Variants in MROH1 observed in about 807,000 individuals in gnomAD.
MROH1 encodes the protein maestro heat like repeat family member 1.
Under a neutral mutation model 116.5 loss-of-function variants are expected in MROH1, and 117 were observed. The ratio of observed to expected loss-of-function variants is 1.00; its 90% confidence interval spans 0.86 to 1.17. The LOEUF (loss-of-function observed/expected upper bound fraction) is 1.17. Among genes scored for constraint, MROH1 ranks in the 50% most tolerant of loss-of-function variants. MROH1 has a pLI of 0.00. For synonymous variants in MROH1, 921 were observed against 583.9 expected (o/e 1.58, Z -8.32); for missense variants, 1,873 against 1,338.5 (o/e 1.40, Z -6.23).
rs1434288671 is a variant in MROH1 at position 144,190,865 on chromosome 8, C to CGTTTGCCACCGACAT, written c.644_645insGTTTGCCACCGACAT (p.Ala217_Phe221dup). 6.2e-7 allele frequency: 1 copy of CGTTTGCCACCGACAT among 1,613,734 alleles called. No homozygotes were observed. The highest frequency in any genetic ancestry group is 1.3e-5 in the African/African-American group (1 of 74,926). On this transcript the variant is annotated inframe_insertion, in exon 8 of 44. Coordinates refer to ENST00000326134, the MANE Select transcript of MROH1 (RefSeq NM_032450.3). ...CCAGACCCCACGGTCAGGAAGGACG[C>CGTTTGCCACCGACAT]CTTTGCCACCGACATCTTCAGCGCC...
At chr8:144,235,592 T>A (rs1348874539) in intron 14 of MROH1, among the ~76,000 whole-genome samples, 1 of 152,250 alleles carries the variant, frequency 6.6e-6, no homozygotes, top group African/African-American at 2.4e-5. Context: ...GTGTCTAAGA[T>A]GAGCTTGTCG....
At chr8:144,168,508 G>T in intron 4 of MROH1, 68 bp downstream of exon 4, 1 of 1,533,864 alleles carries the variant, frequency 6.5e-7, no homozygotes. Context: ...CTTGGTTTGG[G>T]AAGAGACAGT....
intron 29 of MROH1, 63 bp from the exon 30 acceptor site, chr8:144,247,238 G>C (rs1291475007): frequency 1.1e-5 from 8 of 738,556 alleles, no homozygotes; most frequent in Non-Finnish European, 1.7e-5. Context: ...TCTGGGTACA[G>C]GTGGCATAGG....
chr8:144,247,787 A>G, intron 31 of MROH1, 108 bp downstream of exon 31: 2 of 697,200 alleles, frequency 2.9e-6, no homozygotes, highest in South Asian at 1.5e-5. Flanking sequence ...AGTGCCACCC[A>G]TGGCCAGTGG....
chr8:144,151,432 A>G (rs1439908065), intron 1 of MROH1, among the ~76,000 whole-genome samples: 2 of 152,124 alleles, frequency 1.3e-5, no homozygotes, highest in Non-Finnish European at 2.9e-5. Flanking sequence ...GACTGGCTGG[A>G]CAAGGTGGAG....
intron 10 of MROH1, among the ~76,000 whole-genome samples, chr8:144,197,374 G>T (rs1241685329): frequency 6.7e-6 from 1 of 148,926 alleles, no homozygotes; most frequent in Admixed American, 6.7e-5. Flanking sequence ...CTAGCTTCCT[G>T]CAGGGTGAGT....
intron 35 of MROH1, among the ~76,000 whole-genome samples, chr8:144,256,055 G>A (rs1314460900): frequency 6.6e-6 from 1 of 152,184 alleles, no homozygotes; most frequent in Non-Finnish European, 1.5e-5. Flanking sequence ...TGGGGTATAG[G>A]CTGGGGTCAA....
chr8:144,176,624 A>G (rs7812455), intron 4 of MROH1, among the ~76,000 whole-genome samples: 149,139 of 150,854 alleles, frequency 0.99, 73,739 homozygotes, highest in East Asian at 1. Flanking sequence ...AGCGGATCAC[A>G]AGGTCAGGAG....
In MROH1 at chr8:144,245,199, C is replaced by T. The variant is rs1841683069; in HGVS notation, c.2810C>T (p.Ala937Val). Residue 937 changes from alanine to valine, a missense_variant, in exon 29 of 44, where the codon GCG becomes GTG. Ala to Val is a moderately conservative substitution (Grantham distance 64). Coordinates refer to ENST00000326134, the MANE Select transcript of MROH1 (RefSeq NM_032450.3). ...AAGTCCCCAAGAGGTCACGAGCGGG[C>T]GCGGGCCCTGGGCCTGAGCGCCCTC... ...WIKSPRGHER[A>V]RALGLSALLL... The T allele has an allele frequency of 5.1e-6, 4 of 779,196 alleles. No individual in the cohort carries two copies. Among genetic ancestry groups the T allele is most frequent in the East Asian group, 2.4e-5 (1 of 41,260 alleles). The allele number at this position is 779,196 out of a possible 1,614,324, so 48.3% of individuals were successfully genotyped here.
At chr8:144,160,100 C>T (rs927368582) in intron 1 of MROH1, among the ~76,000 whole-genome samples, 3 of 152,134 alleles carry the variant, frequency 2.0e-5, no homozygotes, top group East Asian at 3.8e-4. Context: ...GGATGCCAGG[C>T]GTTGCTTTTG....
chr8:144,233,854 T>C lies in MROH1; in HGVS notation c.1339-4902T>C, dbSNP rs1839457380. 2.6e-5 allele frequency among the ~76,000 whole-genome samples: 4 copies of C among 152,250 alleles called. No individual in the cohort carries two copies. In the South Asian group the frequency reaches 8.3e-4, roughly 31 times the overall value. On this transcript the variant is annotated intron_variant, in intron 14 of 43. Coordinates refer to ENST00000326134, the MANE Select transcript of MROH1 (RefSeq NM_032450.3). ...GGGAAATACAAGTTCTCCAACTTTG[T>C]TCTTTTTCAAGATCATTTGGCTATT...
At chr8:144,234,167 G>A (rs533110823) in intron 14 of MROH1, among the ~76,000 whole-genome samples, 128 of 152,078 alleles carry the variant, frequency 8.4e-4, no homozygotes, top group African/African-American at 2.8e-3. Context: ...CTGCAACCAC[G>A]CCCCGCTAAT....
rs915992099 is a variant in MROH1, at chr8:144,153,102, C to T, written c.-177+5026C>T. 5.0e-4 allele frequency among the ~76,000 whole-genome samples: 76 copies of T among 152,310 alleles called. 1 individual carries two copies. The highest frequency in any genetic ancestry group is 3.4e-3 in the Middle Eastern group (1 of 294). On this transcript the variant is annotated intron_variant, in intron 1 of 43. Transcript: ENST00000326134. ...ACTCTTCATAGAAGTTGGGATTCCA[C>T]GTGTGAGATCACGTGGTCGTCTTTC...
chr8:144,187,997 C>T lies in MROH1; in HGVS notation c.563-2787C>T, dbSNP rs569026231. On this transcript the variant is annotated intron_variant, in intron 7 of 43. Transcript: ENST00000326134. ...GCCCATTGTGAGGAGGGGTTTGTGGCGAGAAAAGGGTGTGAAACAGTTGCC... is the reference window on the plus strand; with the variant it reads ...GCCCATTGTGAGGAGGGGTTTGTGGTGAGAAAAGGGTGTGAAACAGTTGCC... Among the ~76,000 whole-genome samples, 60 of 151,964 alleles carry T rather than the reference C, an allele frequency of 3.9e-4. 1 individual carries two copies. In the East Asian group the frequency reaches 0.011, roughly 27 times the overall value.
Position 144,256,500 on chromosome 8 carries a change from G to A in MROH1, c.3791+795G>A, listed in dbSNP as rs1026126491. Among the ~76,000 whole-genome samples the A allele has an allele frequency of 2.8e-4, 43 of 151,822 alleles. 1 individual carries two copies. In the South Asian group the frequency reaches 5.8e-3, roughly 21 times the overall value. ...AGGCTGCTCAGACCCAGGCCAGCTCGTAAAGCCCAGTGGGGCCGGCTGCCA... is the reference window on the plus strand; with the variant it reads ...AGGCTGCTCAGACCCAGGCCAGCTCATAAAGCCCAGTGGGGCCGGCTGCCA... On this transcript the variant is annotated intron_variant, in intron 35 of 43. Coordinates refer to ENST00000326134, the MANE Select transcript of MROH1 (RefSeq NM_032450.3).
chr8:144,243,909 G>A lies in MROH1; in HGVS notation c.2522G>A (p.Arg841Gln), dbSNP rs1299389597. Reference sequence around the variant, plus strand: ...CCGGACTCCTTGAGGACACCTATTCGGAAGAAAGCCATGCTCACCTGCACT... The same window carrying A: ...CCGGACTCCTTGAGGACACCTATTCAGAAGAAAGCCATGCTCACCTGCACT... ...EPPDSLRTPI[R>Q]KKAMLTCTYL... The change falls in exon 26 of 44, where the codon CGG becomes CAG. Residue 841 changes from arginine to glutamine, a missense_variant. Coordinates refer to ENST00000326134, the MANE Select transcript of MROH1 (RefSeq NM_032450.3). 10 of 780,370 alleles carry A rather than the reference G, an allele frequency of 1.3e-5. No individual in the cohort carries two copies. Among genetic ancestry groups the A allele is most frequent in the Non-Finnish European group, 1.9e-5 (8 of 417,768 alleles). The allele number at this position is 780,370 out of a possible 1,614,324, so 48.3% of individuals were successfully genotyped here.
chr8:144,186,154 T>A (rs2131481105), intron 7 of MROH1, among the ~76,000 whole-genome samples: 1 of 143,596 alleles, frequency 7.0e-6, no homozygotes, highest in Non-Finnish European at 1.5e-5. Flanking sequence ...AGGGTCTCAC[T>A]CTGTCACCCA....
chr8:144,194,754 A>G (rs1284129232), intron 10 of MROH1, among the ~76,000 whole-genome samples: 1 of 151,960 alleles, frequency 6.6e-6, no homozygotes, highest in East Asian at 1.9e-4. Context: ...CTCTACAGAA[A>G]AAATGTAGCT....
At chr8:144,198,917 G>A (rs1441666488) in intron 10 of MROH1, among the ~76,000 whole-genome samples, 1 of 152,156 alleles carries the variant, frequency 6.6e-6, no homozygotes, top group Non-Finnish European at 1.5e-5. Context: ...GCTGGTCCCT[G>A]GAGGGCCTCT....
Sources: allele counts gnomAD v4.1 joint callset (sites outside exome capture counted in the v4.1 genomes callset), GRCh38; gene constraint gnomAD v4.1.1; transcripts MANE v1.5; gene names NCBI Gene and HGNC (gene_info 2026-07-23, HGNC 2026-07-21).